The following HIRA variants were observed in gnomAD, a reference collection of about 807,000 sequenced individuals.
The protein encoded by HIRA is protein HIRA.
In HIRA, 13 loss-of-function variants were observed where a neutral mutation model predicts 126.6. That is an observed-to-expected ratio of 0.10 (90% confidence interval 0.07 to 0.16). The LOEUF (loss-of-function observed/expected upper bound fraction) is 0.16, where lower values mean the gene tolerates loss of function less well. Among genes scored for constraint, HIRA ranks in the 10% least tolerant of loss-of-function variants. The pLI is 1.00. For synonymous variants in HIRA, 511 were observed against 520.0 expected, an observed-to-expected ratio of 0.98 and a Z score of 0.24; for missense variants, 834 against 1,314.4, an observed-to-expected ratio of 0.63 and a Z score of 5.65.
rs1054579249 is a variant in HIRA at position 19,361,440 on chromosome 22, G to T, written c.1981-99C>A. The T allele has an allele frequency of 6.9e-5, 70 of 1,008,694 alleles. No homozygotes were observed. The African/African-American group carries it at 1.0e-3, about 15-fold the overall frequency. The allele number at this position is 1,008,694 out of a possible 1,614,324, so 62.5% of individuals were successfully genotyped here. On this transcript the variant is annotated intron_variant, in intron 16 of 24. Coordinates refer to ENST00000263208, the MANE Select transcript of HIRA (RefSeq NM_003325.4). ...AGAAGTGAGGCTGAGCCTGCGACCA[G>T]AGCATTTCCACCCTGGGAGGGAGGA...
rs2088786800 is a variant in HIRA, at chr22:19,354,121, G to A, written c.2562-3C>T. The A allele has an allele frequency of 3.1e-6, 5 of 1,612,208 alleles. No individual in the cohort carries two copies. The East Asian group carries it at 1.1e-4, about 36-fold the overall frequency. On this transcript the variant is annotated splice_polypyrimidine_tract_variant and splice_region_variant and intron_variant, in intron 21 of 24. Transcript: ENST00000263208. The stretch of plus-strand genomic sequence containing the variant: ...CCTGCTTGTCAGAAACCAGGTTCCT[G>A]GGGAGGCAAAGGCAGGAGCAGAGCT...
chr22:19,383,776 GTC>G (rs1397586923), intron 12 of HIRA, 71 bp from the exon 13 acceptor site: 52 of 1,231,510 alleles, frequency 4.2e-5, no homozygotes, highest in Non-Finnish European at 5.7e-5. Flanking sequence ...AAAAAATAAA[GTC>G]TCTTTTTTTC....
chr22:19,389,100 C>T (rs2146222128), intron 9 of HIRA, among the ~76,000 whole-genome samples: 1 of 152,298 alleles, frequency 6.6e-6, no homozygotes, highest in South Asian at 2.1e-4. Flanking sequence ...ACTATTAATA[C>T]TTTGATGAAT....
intron 15 of HIRA, among the ~76,000 whole-genome samples, chr22:19,374,257 C>T (rs1406636027): frequency 6.6e-6 from 1 of 152,040 alleles, no homozygotes; most frequent in South Asian, 2.1e-4. Context: ...TCAATCAAAC[C>T]TGGGAGGCGG....
At chr22:19,361,565 G>A (rs2088864271) in intron 16 of HIRA, among the ~76,000 whole-genome samples, 162 bp downstream of exon 16, 1 of 152,228 alleles carries the variant, frequency 6.6e-6, no homozygotes, top group South Asian at 2.1e-4. Flanking sequence ...GCACATCTGA[G>A]GGAGAGCGTG....
chr22:19,349,989 T>C (rs2088736805), intron 24 of HIRA, among the ~76,000 whole-genome samples: 1 of 152,090 alleles, frequency 6.6e-6, no homozygotes, highest in Non-Finnish European at 1.5e-5. Context: ...TCCTTTTTCT[T>C]TTCTTTTTTT....
intron 24 of HIRA, among the ~76,000 whole-genome samples, chr22:19,346,681 G>T (rs544830108): frequency 6.6e-6 from 1 of 152,352 alleles, no homozygotes; most frequent in Admixed American, 6.5e-5. Context: ...TTCTGGGAGA[G>T]CGTTTCTTTT....
chr22:19,384,328 A>AG (rs1426090125), intron 12 of HIRA, among the ~76,000 whole-genome samples: 58 of 151,356 alleles, frequency 3.8e-4, no homozygotes, highest in African/African-American at 1.2e-3. Flanking sequence ...ATCTCAAAAA[A>AG]AAAAAAAAAA....
At chr22:19,403,482 C>T (rs557055771) in intron 5 of HIRA, among the ~76,000 whole-genome samples, 1 of 151,554 alleles carries the variant, frequency 6.6e-6, no homozygotes, top group Non-Finnish European at 1.5e-5. Context: ...TGTGGTGGCA[C>T]GTGCCTGTAG....
intron 18 of HIRA, among the ~76,000 whole-genome samples, chr22:19,357,627 G>A (rs1453031732): frequency 2.6e-5 from 4 of 152,220 alleles, no homozygotes; most frequent in Non-Finnish European, 5.9e-5. Context: ...GGCCCTGCAC[G>A]AGCAGGCTGC....
At chr22:19,390,736 C>T (rs9606002) in intron 9 of HIRA, among the ~76,000 whole-genome samples, 59,719 of 151,458 alleles carry the variant, frequency 0.39, 13,530 homozygotes, top group Non-Finnish European at 0.51. Flanking sequence ...CTAATAGAGG[C>T]GTCAGCTTTC....
chr22:19,431,534 G>T lies in HIRA; in HGVS notation c.-58C>A. On this transcript the variant is annotated 5_prime_UTR_variant, in exon 1 of 25. Coordinates refer to ENST00000263208, the MANE Select transcript of HIRA (RefSeq NM_003325.4). Reference sequence around the variant, plus strand: ...AGCGCCGGGTCCCTCAGCGCGCCCGGGCCATGGAGCCACCGCCGCCGCTTC... The same window carrying T: ...AGCGCCGGGTCCCTCAGCGCGCCCGTGCCATGGAGCCACCGCCGCCGCTTC... 1 of 1,361,946 alleles carries T rather than the reference G, an allele frequency of 7.3e-7. No homozygotes were observed. 84.4% of individuals were successfully genotyped at this position (1,361,946 alleles called of 1,614,324 possible).
Position 19,378,104 on chromosome 22 carries a change from C to T in HIRA, c.1416-38G>A, listed in dbSNP as rs747210425. The T allele has an allele frequency of 4.8e-6, 7 of 1,462,596 alleles. No individual in the cohort carries two copies. In the African/African-American group the frequency reaches 7.1e-5, roughly 15 times the overall value. 90.6% of individuals were successfully genotyped at this position (1,462,596 alleles called of 1,614,324 possible). ...AAGAACAAAAGTCAGCCTTGAAAGT[C>T]AGGTGCCACATCCAGTACTTTATAC... On this transcript the variant is annotated intron_variant, in intron 13 of 24. Transcript: ENST00000263208.
chr22:19,342,603 G>C (rs1364031353), intron 24 of HIRA, among the ~76,000 whole-genome samples: 1 of 152,162 alleles, frequency 6.6e-6, no homozygotes, highest in Non-Finnish European at 1.5e-5. Context: ...GGCTGTGCTG[G>C]TCTTGAACTC....
intron 15 of HIRA, among the ~76,000 whole-genome samples, chr22:19,363,043 G>A (rs141870088): frequency 0.02 from 3,043 of 151,324 alleles, 114 homozygotes; most frequent in African/African-American, 0.069. Context: ...AGACCGTCCT[G>A]GCCAACACGG....
intron 8 of HIRA, 62 bp from the exon 9 acceptor site, chr22:19,392,276 C>A: frequency 2.0e-6 from 2 of 987,934 alleles, no homozygotes; most frequent in Non-Finnish European, 3.1e-6. Flanking sequence ...CCCCTGTGCC[C>A]AAGTCCCAGC....
At chr22:19,408,435 G>C in intron 3 of HIRA, 48 bp downstream of exon 3, 1 of 1,189,068 alleles carries the variant, frequency 8.4e-7, no homozygotes, top group Non-Finnish European at 1.3e-6. Flanking sequence ...TGCTAACCTT[G>C]GGCACTCTGC....
In HIRA at chr22:19,355,749, A is replaced by AGCT. The variant is rs782044701; in HGVS notation, c.2561+8_2561+10dup. The AGCT allele has an allele frequency of 1.2e-5, 19 of 1,590,558 alleles. No individual in the cohort carries two copies. The South Asian group carries it at 1.2e-4, about 10-fold the overall frequency. On this transcript the variant is annotated intron_variant, in intron 21 of 24. Coordinates refer to ENST00000263208, the MANE Select transcript of HIRA (RefSeq NM_003325.4). ...CTTCCAGGGAATAGGACTGGGGGTC[A>AGCT]GCTTGCTTACCATGTGGAAAGTGAC... is the stretch of plus-strand genomic sequence containing the variant.
chr22:19,392,024 G>T, intron 9 of HIRA, 77 bp downstream of exon 9: 2 of 779,968 alleles, frequency 2.6e-6, no homozygotes, highest in Non-Finnish European at 4.3e-6. Flanking sequence ...ACCCAAAGCA[G>T]GTCTCTTTCC....
Sources: allele counts gnomAD v4.1 joint callset (sites outside exome capture counted in the v4.1 genomes callset), GRCh38; gene constraint gnomAD v4.1.1; transcripts MANE v1.5; gene names NCBI Gene and HGNC (gene_info 2026-07-23, HGNC 2026-07-21).